Variants in NUP214 observed in about 807,000 individuals in gnomAD.
NUP214 encodes nucleoporin 214.
A neutral mutation model predicts 196.2 loss-of-function variants in NUP214; 79 were observed. The ratio of observed to expected loss-of-function variants is 0.40; its 90% CI spans 0.34 to 0.49. The LOEUF (loss-of-function observed/expected upper bound fraction) is 0.49. NUP214 is among the 20% of genes least tolerant of loss of function. The probability of loss-of-function intolerance (pLI) is 0.58; values close to 1 mark genes in which losing one functional copy is unlikely to be tolerated. For synonymous variants in NUP214, 1,020 were observed against 990.5 expected, an observed-to-expected ratio of 1.03 and a Z score of -0.56; for missense variants, 2,468 against 2,539.0, an observed-to-expected ratio of 0.97 and a Z score of 0.60.
At chr9:131,157,157 G>A (rs1469698433) in intron 17 of NUP214, among the ~76,000 whole-genome samples, 1 of 146,594 alleles carries the variant, frequency 6.8e-6, no homozygotes, top group Non-Finnish European at 1.5e-5. Context: ...TTTTTGTTTT[G>A]TTTTGTTTTT....
At chr9:131,173,602 G>A (rs1049788898) in intron 21 of NUP214, among the ~76,000 whole-genome samples, 5 of 148,648 alleles carry the variant, frequency 3.4e-5, no homozygotes, top group South Asian at 2.2e-4. Context: ...GGAAATGTTC[G>A]AGACACTCAG....
At chr9:131,130,137 GTT>G (rs757856001) in intron 4 of NUP214, among the ~76,000 whole-genome samples, 4 of 76,926 alleles carry the variant, frequency 5.2e-5, no homozygotes, top group South Asian at 1.1e-3. Flanking sequence ...TTCTGGTTTT[GTT>G]TTTTTTTTTT....
At chr9:131,140,155 A>G (rs1831862924) in intron 10 of NUP214, among the ~76,000 whole-genome samples, 1 of 152,190 alleles carries the variant, frequency 6.6e-6, no homozygotes, top group Admixed American at 6.5e-5. Context: ...TGTCCATTCC[A>G]AAGAGTCTAG....
At chr9:131,128,917 C>A in intron 3 of NUP214, 1 of 329,088 alleles carries the variant, frequency 3.0e-6, no homozygotes, top group Non-Finnish European at 5.7e-6. Context: ...CTATTATCTT[C>A]ATTTTATAGG....
At position 131,125,618 on chromosome 9, in the gene NUP214, A is replaced by G; in HGVS notation, c.-87A>G. The stretch of plus-strand genomic sequence containing the variant: ...ACTGCGCGCCGCTGGCGCTGAGGGG[A>G]GGAAGTTTGCTGTCGAGCGGCCTGG... On this transcript the variant is annotated 5_prime_UTR_variant, in exon 1 of 36. Transcript: ENST00000359428. This position sits in a 1 kb window ranked among gnomAD's most constrained non-coding sequence, Gnocchi z 4.1. 3 of 1,536,644 alleles carry G rather than the reference A, an allele frequency of 2.0e-6. No individual in the cohort carries two copies. The highest frequency in any genetic ancestry group is 8.8e-7 in the Non-Finnish European group (1 of 1,140,486).
intron 21 of NUP214, among the ~76,000 whole-genome samples, chr9:131,169,650 A>G (rs1346254686): frequency 6.6e-6 from 1 of 152,140 alleles, no homozygotes; most frequent in Non-Finnish European, 1.5e-5. Flanking sequence ...TACAATTCAG[A>G]GTAGGGGTTG....
At chr9:131,151,152 A>G (rs916354682) in intron 16 of NUP214, among the ~76,000 whole-genome samples, 3 of 152,270 alleles carry the variant, frequency 2.0e-5, no homozygotes, top group Admixed American at 6.5e-5. Flanking sequence ...CATATGCAGT[A>G]TGAAAATATT....
rs528934765 is a variant in NUP214 at position 131,138,708 on chromosome 9, G to T, written c.1006-573G>T. Among the ~76,000 whole-genome samples the T allele has an allele frequency of 5.3e-5, 8 of 152,336 alleles. No homozygotes were observed. In the South Asian group the frequency reaches 1.7e-3, roughly 32 times the overall value. On this transcript the variant is annotated intron_variant, in intron 9 of 35. Coordinates refer to ENST00000359428, the MANE Select transcript of NUP214 (RefSeq NM_005085.4). ...TAGAAAGACTTAGTAGTTTCTCAAG[G>T]AATCTGGGGACAGGAAAGCTGACCA... is the stretch of plus-strand genomic sequence containing the variant.
intron 33 of NUP214, chr9:131,229,269 A>T (rs759943163): frequency 6.1e-6 from 1 of 163,400 alleles, no homozygotes; most frequent in Non-Finnish European, 1.4e-5. Flanking sequence ...AGCAGGAGTG[A>T]GAGGGTTGGC....
chr9:131,193,687 C>T (rs141761214), intron 27 of NUP214, among the ~76,000 whole-genome samples: 2,665 of 102,554 alleles, frequency 0.026, 41 homozygotes, highest in Middle Eastern at 0.095. Flanking sequence ...AGTATCACTC[C>T]GTCACCCTGG....
chr9:131,143,404 A>G (rs1184799656), intron 11 of NUP214, among the ~76,000 whole-genome samples: 3 of 152,090 alleles, frequency 2.0e-5, no homozygotes, highest in Admixed American at 2.0e-4. Flanking sequence ...TTCTTAGAAG[A>G]GAAATTACTG....
Position 131,228,167 on chromosome 9 carries a change from C to A in NUP214, c.5910C>A (p.Phe1970Leu), listed in dbSNP as rs752729378. Reference sequence around the variant, plus strand: ...TGCCTCTGTTTTGCTCAGGTGGCTTCGGTGCTGCTCCAGTGTTTGGCAGCC... The same window carrying A: ...TGCCTCTGTTTTGCTCAGGTGGCTTAGGTGCTGCTCCAGTGTTTGGCAGCC... ...GFSSPNKTGG[F>L]GAAPVFGSPP... is the part of the protein sequence containing the mutation. Residue 1970 changes from phenylalanine to leucine, a missense_variant, in exon 33 of 36, where the codon TTC (phenylalanine) becomes TTA (leucine). By Grantham distance (22) the Phe-to-Leu change is conservative. Transcript: ENST00000359428. The A allele has an allele frequency of 8.9e-6, 14 of 1,579,984 alleles. No individual in the cohort carries two copies. The Admixed American group carries it at 9.6e-5, about 11-fold the overall frequency.
intron 21 of NUP214, chr9:131,165,267 ATC>A (rs780240206): frequency 7.2e-5 from 11 of 152,066 alleles, no homozygotes; most frequent in Non-Finnish European, 1.6e-4. Context: ...GAGCAACAGA[ATC>A]TCTAAAAAAA....
At position 131,232,630 on chromosome 9, in the gene NUP214, G is replaced by A; in HGVS notation, c.6239+322G>A. The A allele has an allele frequency of 2.1e-6, 1 of 465,264 alleles. No homozygotes were observed. Among genetic ancestry groups the A allele is most frequent in the Non-Finnish European group, 4.0e-6 (1 of 253,118 alleles). 28.8% of individuals were successfully genotyped at this position (465,264 alleles called of 1,614,324 possible). Reference sequence around the variant, plus strand: ...CTTCCCTGGAGGTTTCTCAGAAGCTGCATGCTAACCCCTGGGCTCTGGGCC... The same window carrying A: ...CTTCCCTGGAGGTTTCTCAGAAGCTACATGCTAACCCCTGGGCTCTGGGCC... On this transcript the variant is annotated intron_variant, in intron 35 of 35. Transcript: ENST00000359428. The surrounding 1 kb of genome is among the most constrained non-coding windows in gnomAD (Gnocchi z 5.1).
In NUP214 at chr9:131,162,961, G is replaced by A. The variant is rs755785346; in HGVS notation, c.2541-30G>A. On this transcript the variant is annotated intron_variant, in intron 18 of 35. Transcript: ENST00000359428. The stretch of plus-strand genomic sequence containing the variant: ...AGATTCCTTTACTTGAACCATTCAT[G>A]TTTAATTCTTTTCTCATTGTTGTCA... 4.3e-6 allele frequency: 7 copies of A among 1,611,186 alleles called. No individual in the cohort carries two copies. The South Asian group carries it at 6.6e-5, about 15-fold the overall frequency.
rs1831401468 is a variant in NUP214 at position 131,127,589 on chromosome 9, A to G, written c.111A>G (p.Glu37=). Residue 37 remains glutamate (E), a synonymous_variant, in exon 2 of 36, where the codon GAA becomes GAG. Transcript: ENST00000359428. ...IFDSPEELPK[E]RSSLLAVSNK... The stretch of plus-strand genomic sequence containing the variant: ...ACTCCCCTGAGGAATTGCCCAAGGA[A>G]CGCTCGAGTCTGCTTGCTGTGTCCA... 7.4e-6 allele frequency: 12 copies of G among 1,614,144 alleles called. No individual in the cohort carries two copies. Among genetic ancestry groups the G allele is most frequent in the Non-Finnish European group, 1.0e-5 (12 of 1,180,018 alleles).
At chr9:131,223,723 A>ATTTATTTATTTATTTATT (rs1554742606) in intron 32 of NUP214, among the ~76,000 whole-genome samples, 1 of 18,980 alleles carries the variant, frequency 5.3e-5, no homozygotes, top group Non-Finnish European at 1.2e-4. Flanking sequence ...TTATTTATTT[A>ATTTATTTATTTATTTATT]TTTATTTTTT....
At position 131,198,036 on chromosome 9, in the gene NUP214, A is replaced by G. The variant is rs1198067986; in HGVS notation, c.4542A>G (p.Ala1514=). The part of the protein sequence containing the change: ...KPGDSEVSAS[A]ASLLEEQQSA... Reference sequence around the variant, plus strand: ...GTGACAGTGAGGTCTCAGCATCAGCAGCCTCACTTCTAGAGGAGCAACAGT... The same window carrying G: ...GTGACAGTGAGGTCTCAGCATCAGCGGCCTCACTTCTAGAGGAGCAACAGT... The change falls in exon 29 of 36, where the codon GCA becomes GCG. Residue 1514 remains alanine, a synonymous_variant. Coordinates refer to ENST00000359428, the MANE Select transcript of NUP214 (RefSeq NM_005085.4). The G allele has an allele frequency of 3.7e-6, 6 of 1,614,128 alleles. No individual in the cohort carries two copies. The highest frequency in any genetic ancestry group is 5.1e-6 in the Non-Finnish European group (6 of 1,180,046).
chr9:131,194,420 T>C (rs1298583482), intron 27 of NUP214, among the ~76,000 whole-genome samples: 1 of 152,158 alleles, frequency 6.6e-6, no homozygotes, highest in East Asian at 1.9e-4. Context: ...TTTTGTTTTG[T>C]AGAAACAGGG....
Sources: allele counts gnomAD v4.1 joint callset (sites outside exome capture counted in the v4.1 genomes callset), GRCh38; gene constraint gnomAD v4.1.1; non-coding constraint Gnocchi (gnomAD v3.1); transcripts MANE v1.5; gene names NCBI Gene and HGNC (gene_info 2026-07-23, HGNC 2026-07-21).